PDLIM5: variants seen among roughly 807,000 people sequenced by gnomAD.
The protein encoded by PDLIM5 is PDZ and LIM domain 5.
Under a neutral mutation model 64.2 loss-of-function variants are expected in PDLIM5, and 34 were observed. The ratio of observed to expected loss-of-function variants is 0.53; its 90% CI spans 0.40 to 0.71. The LOEUF is 0.71. PDLIM5 is among the 30% of genes least tolerant of loss of function. The pLI is 0.00. For synonymous variants in PDLIM5, 253 were observed against 269.1 expected, an observed-to-expected ratio of 0.94 and a Z score of 0.59; for missense variants, 683 against 733.6, an observed-to-expected ratio of 0.93 and a Z score of 0.80.
At chr4:94,535,695 G>A (rs138104050) in intron 3 of PDLIM5, among the ~76,000 whole-genome samples, 15 of 152,136 alleles carry the variant, frequency 9.9e-5, no homozygotes, top group African/African-American at 1.9e-4. Flanking sequence ...TATCTTGAAC[G>A]AAAATGTTTA....
intron 8 of PDLIM5, among the ~76,000 whole-genome samples, chr4:94,622,062 T>C (rs1404717755): frequency 1.3e-5 from 2 of 152,182 alleles, no homozygotes; most frequent in African/African-American, 2.4e-5. Flanking sequence ...TTTGTACTAT[T>C]TTGGAAAATT....
At chr4:94,618,589 C>A (rs747543614) in intron 8 of PDLIM5, among the ~76,000 whole-genome samples, 1 of 152,138 alleles carries the variant, frequency 6.6e-6, no homozygotes, top group Non-Finnish European at 1.5e-5. Flanking sequence ...CAAACAATTA[C>A]TGAAGAAAGC....
intron 7 of PDLIM5, among the ~76,000 whole-genome samples, chr4:94,608,964 TTAGA>T (rs1560737609): frequency 6.6e-6 from 1 of 152,336 alleles, no homozygotes; most frequent in Non-Finnish European, 1.5e-5. Context: ...ATGGATAGAC[TTAGA>T]TAGACCAAAA....
At chr4:94,476,041 G>A (rs1725294229) in intron 2 of PDLIM5, among the ~76,000 whole-genome samples, 3 of 152,132 alleles carry the variant, frequency 2.0e-5, no homozygotes, top group Admixed American at 2.0e-4. Context: ...CAACTGTTAG[G>A]TAACTCTTGA....
chr4:94,640,364 T>A lies in PDLIM5; in HGVS notation c.1197T>A (p.Ser399Arg), dbSNP rs537459228. 1.9e-6 allele frequency: 3 copies of A among 1,613,518 alleles called. No individual in the cohort carries two copies. In the Admixed American group the frequency reaches 5.0e-5, roughly 27 times the overall value. ...ANSALGQTQP[S>R]DQDTLVQRAE... is the part of the protein sequence containing the mutation. ...CAGCTTTGGGACAAACCCAGCCAAG[T>A]GACCAGGACACTTTAGTGCAAAGAG... The change falls in exon 9 of 13, where the codon AGT becomes AGA. Residue 399 changes from serine (S) to arginine (R), a missense_variant. Physicochemically the swap from Ser to Arg is moderately radical, Grantham distance 110. Transcript: ENST00000317968.
chr4:94,505,771 A>G (rs1418906837), intron 2 of PDLIM5, among the ~76,000 whole-genome samples: 1 of 152,186 alleles, frequency 6.6e-6, no homozygotes, highest in Non-Finnish European at 1.5e-5. Context: ...TGAAAAGGGG[A>G]ACAGCGCTTC....
chr4:94,617,393 G>A (rs1342204604), intron 7 of PDLIM5, among the ~76,000 whole-genome samples: 1 of 152,066 alleles, frequency 6.6e-6, no homozygotes, highest in Non-Finnish European at 1.5e-5. Context: ...CATAACACTG[G>A]GTGTTCTGTT....
At chr4:94,617,332 T>G (rs181784757) in intron 7 of PDLIM5, among the ~76,000 whole-genome samples, 460 of 152,346 alleles carry the variant, frequency 3.0e-3, no homozygotes, top group Non-Finnish European at 4.8e-3. Flanking sequence ...TAACTCTTGG[T>G]TGAGAGAAGA....
intron 7 of PDLIM5, among the ~76,000 whole-genome samples, chr4:94,596,950 A>G (rs1448181680): frequency 2.6e-5 from 4 of 151,966 alleles, no homozygotes; most frequent in Admixed American, 2.6e-4. Flanking sequence ...TTTGAATGCT[A>G]CTCCTGTGTC....
At chr4:94,469,960 A>ATTTT (rs34572366) in intron 2 of PDLIM5, among the ~76,000 whole-genome samples, 9 of 71,544 alleles carry the variant, frequency 1.3e-4, no homozygotes, top group African/African-American at 3.1e-4. Context: ...CATTCTTTTA[A>ATTTT]TTTTTTTTTT....
chr4:94,509,417 C>G (rs1728671847), intron 2 of PDLIM5, among the ~76,000 whole-genome samples: 1 of 152,116 alleles, frequency 6.6e-6, no homozygotes, highest in African/African-American at 2.4e-5. Context: ...CTCTTTCCCC[C>G]TACTGAATTT....
intron 3 of PDLIM5, among the ~76,000 whole-genome samples, chr4:94,567,089 T>C (rs1734391051): frequency 6.6e-6 from 1 of 152,196 alleles, no homozygotes; most frequent in South Asian, 2.1e-4. Context: ...CGCCTCCCGG[T>C]TCACGCTGTT....
intron 7 of PDLIM5, chr4:94,586,844 T>C: frequency 1.4e-6 from 1 of 691,700 alleles, no homozygotes; most frequent in Non-Finnish European, 2.3e-6. Flanking sequence ...TTAAAATTTT[T>C]GCCACTTAAT....
At chr4:94,627,973 T>C (rs555254387) in intron 8 of PDLIM5, among the ~76,000 whole-genome samples, 43 of 152,328 alleles carry the variant, frequency 2.8e-4, no homozygotes, top group African/African-American at 9.1e-4. Context: ...TCTAAAACGT[T>C]GTATGTACTA....
At chr4:94,661,591 A>G (rs1742722763) in intron 11 of PDLIM5, among the ~76,000 whole-genome samples, 1 of 152,172 alleles carries the variant, frequency 6.6e-6, no homozygotes, top group Non-Finnish European at 1.5e-5. Context: ...ATTGTGGCTA[A>G]TATCGTTGTG....
At chr4:94,496,686 T>C (rs1727427727) in intron 2 of PDLIM5, among the ~76,000 whole-genome samples, 1 of 152,120 alleles carries the variant, frequency 6.6e-6, no homozygotes, top group African/African-American at 2.4e-5. Context: ...GACAGGGTTT[T>C]ACCATGTTTC....
intron 4 of PDLIM5, among the ~76,000 whole-genome samples, chr4:94,573,910 A>T (rs1353379968): frequency 6.6e-6 from 1 of 152,226 alleles, no homozygotes; most frequent in South Asian, 2.1e-4. Context: ...ATCTGTGCCT[A>T]TTTATTGAAC....
At chr4:94,600,386 C>CTCCAGTACCTCATG (rs1209972059) in intron 7 of PDLIM5, among the ~76,000 whole-genome samples, 2 of 152,150 alleles carry the variant, frequency 1.3e-5, no homozygotes, top group African/African-American at 2.4e-5. Flanking sequence ...AGGTACTGTG[C>CTCCAGTACCTCATG]TGGCTTTCTC....
intron 2 of PDLIM5, among the ~76,000 whole-genome samples, chr4:94,470,631 T>C (rs569242606): frequency 1.3e-5 from 2 of 152,350 alleles, no homozygotes; most frequent in East Asian, 1.9e-4. Context: ...TTTTCATTTC[T>C]GAACTTTCAG....
Sources: gnomAD v4.1 joint callset for allele counts (sites outside exome capture counted in the v4.1 genomes callset) on GRCh38, gnomAD v4.1.1 for gene constraint, MANE v1.5 for transcripts, NCBI Gene and HGNC (gene_info 2026-07-23, HGNC 2026-07-21) for gene names.